Variants in JARID2 observed in about 807,000 individuals in gnomAD.
The protein encoded by JARID2 is protein Jumonji.
A neutral mutation model predicts 125.6 loss-of-function variants in JARID2; 21 were observed. The observed-to-expected ratio is 0.17, with a 90% CI of 0.12 to 0.24. The LOEUF is 0.24. JARID2 is among the 10% of genes least tolerant of loss of function. The pLI is 1.00. For missense variants in JARID2, 1,303 were observed against 1,639.6 expected (o/e 0.79, Z 3.55); for synonymous variants, 736 against 661.6 (o/e 1.11, Z -1.73).
At chr6:15,426,742 C>T (rs911420246) in intron 3 of JARID2, among the ~76,000 whole-genome samples, 2 of 152,162 alleles carry the variant, frequency 1.3e-5, no homozygotes, top group South Asian at 2.1e-4. Context: ...GTTTTTCCAA[C>T]CCCCAGAGGA....
Position 15,501,196 on chromosome 6 carries a change from C to A in JARID2, c.2235C>A (p.His745Gln), listed in dbSNP as rs147344199. 2 of 1,614,116 alleles carry A rather than the reference C, an allele frequency of 1.2e-6. No homozygotes were observed. The highest frequency in any genetic ancestry group is 1.7e-5 in the Admixed American group (1 of 60,024). The change falls in exon 8 of 18, where the codon CAC becomes CAA. Residue 745 changes from histidine (H) to glutamine (Q), a missense_variant. His to Gln is a conservative substitution (Grantham distance 24). Transcript: ENST00000341776. ...TGGAAGGCCACACAGAGAACGACCACCACAAGTTCCACCCTCTGCCCCGCT... is the reference window on the plus strand; with the variant it reads ...TGGAAGGCCACACAGAGAACGACCAACACAAGTTCCACCCTCTGCCCCGCT... ...GPLEGHTEND[H>Q]HKFHPLPRFE...
intron 1 of JARID2, among the ~76,000 whole-genome samples, chr6:15,323,386 C>T (rs1038549300): frequency 2.6e-5 from 4 of 152,118 alleles, no homozygotes; most frequent in Non-Finnish European, 5.9e-5. Context: ...GGAAATCCTG[C>T]CCTCTTGGCC....
chr6:15,373,251 T>C (rs1481094153), intron 1 of JARID2, among the ~76,000 whole-genome samples: 1 of 152,232 alleles, frequency 6.6e-6, no homozygotes, highest in Non-Finnish European at 1.5e-5. Context: ...TCCCACCTCT[T>C]GCTCTGTCTC....
At chr6:15,306,328 C>CTTTT (rs398000594) in intron 1 of JARID2, among the ~76,000 whole-genome samples, 160 of 99,236 alleles carry the variant, frequency 1.6e-3, no homozygotes, top group East Asian at 4.8e-3. Context: ...AGTCATATTT[C>CTTTT]TTTTTTTTTT....
At chr6:15,479,841 TGGCCCAG>T (rs974158924) in intron 5 of JARID2, among the ~76,000 whole-genome samples, 4 of 152,320 alleles carry the variant, frequency 2.6e-5, no homozygotes, top group African/African-American at 7.2e-5. Flanking sequence ...GGAGCTGTTT[TGGCCCAG>T]GGCAAACCGG....
At chr6:15,422,987 T>TC (rs1344692925) in intron 3 of JARID2, among the ~76,000 whole-genome samples, 2 of 114,874 alleles carry the variant, frequency 1.7e-5, no homozygotes, top group African/African-American at 3.9e-5. Flanking sequence ...AGCCTAGTCT[T>TC]TTTTTTTTTT....
intron 7 of JARID2, among the ~76,000 whole-genome samples, chr6:15,500,367 G>T (rs1770673843): frequency 2.0e-5 from 3 of 152,336 alleles, no homozygotes; most frequent in South Asian, 4.1e-4. Context: ...GTGTGAGTGA[G>T]TGGGTGGATG....
chr6:15,302,138 G>A (rs1470897326), intron 1 of JARID2, among the ~76,000 whole-genome samples: 7 of 152,128 alleles, frequency 4.6e-5, no homozygotes, highest in Non-Finnish European at 1.0e-4. Flanking sequence ...TGAAGAGGCC[G>A]GGTGCAGTGG....
intron 1 of JARID2, among the ~76,000 whole-genome samples, chr6:15,365,823 A>T (rs916578712): frequency 2.6e-5 from 4 of 152,164 alleles, no homozygotes; most frequent in African/African-American, 9.7e-5. Context: ...CAAGTTCAGT[A>T]AGTAAGTTTC....
At chr6:15,489,204 T>C (rs1421301659) in intron 6 of JARID2, among the ~76,000 whole-genome samples, 1 of 152,238 alleles carries the variant, frequency 6.6e-6, no homozygotes, top group Non-Finnish European at 1.5e-5. Flanking sequence ...TTTGTTTATC[T>C]TCTATTCATC....
intron 3 of JARID2, among the ~76,000 whole-genome samples, chr6:15,415,702 C>G (rs1252617676): frequency 6.8e-6 from 1 of 146,470 alleles, no homozygotes; most frequent in African/African-American, 2.5e-5. Context: ...GGCTGACCCC[C>G]CCACCTCCTT....
chr6:15,431,684 C>T (rs1398617248), intron 3 of JARID2, among the ~76,000 whole-genome samples: 1 of 152,092 alleles, frequency 6.6e-6, no homozygotes, highest in Non-Finnish European at 1.5e-5. Flanking sequence ...TATCTTTTTC[C>T]CTTTCAATGA....
intron 2 of JARID2, among the ~76,000 whole-genome samples, chr6:15,403,867 C>T (rs970899055): frequency 6.6e-6 from 1 of 152,136 alleles, no homozygotes; most frequent in African/African-American, 2.4e-5. Flanking sequence ...TCATCCTCCC[C>T]ATTCCTGCCT....
chr6:15,281,972 CAG>C (rs1410373595), intron 1 of JARID2, among the ~76,000 whole-genome samples: 18 of 143,646 alleles, frequency 1.3e-4, no homozygotes, highest in Non-Finnish European at 2.7e-4. Context: ...GTGTTTGAGA[CAG>C]AGTCTTGCTC....
chr6:15,281,633 G>A (rs554389733), intron 1 of JARID2, among the ~76,000 whole-genome samples: 73 of 152,286 alleles, frequency 4.8e-4, no homozygotes, highest in African/African-American at 1.5e-3. Flanking sequence ...TAAGGTTATG[G>A]CCTGTGATTT....
intron 1 of JARID2, among the ~76,000 whole-genome samples, chr6:15,262,390 A>G (rs1759917402): frequency 6.6e-6 from 1 of 151,918 alleles, no homozygotes. Flanking sequence ...TTTTAAAATT[A>G]TGTTTCTAAA....
At chr6:15,247,016 G>C (rs1326035028) in intron 1 of JARID2, among the ~76,000 whole-genome samples, 1 of 152,184 alleles carries the variant, frequency 6.6e-6, no homozygotes, top group Non-Finnish European at 1.5e-5. Flanking sequence ...AGCCCTTTAA[G>C]TTGCGATCGA....
At chr6:15,360,102 TTTCTC>T (rs373192203) in intron 1 of JARID2, among the ~76,000 whole-genome samples, 22 of 152,320 alleles carry the variant, frequency 1.4e-4, no homozygotes, top group African/African-American at 5.3e-4. Context: ...TCTTGAGTAA[TTTCTC>T]TTTCTATCCA....
At chr6:15,357,634 C>T (rs747849205) in intron 1 of JARID2, among the ~76,000 whole-genome samples, 48 of 151,770 alleles carry the variant, frequency 3.2e-4, no homozygotes, top group Non-Finnish European at 4.7e-4. Context: ...GACCCTTGGT[C>T]GAGAAATTCT....
Sources: allele counts gnomAD v4.1 joint callset (sites outside exome capture counted in the v4.1 genomes callset), GRCh38; gene constraint gnomAD v4.1.1; transcripts MANE v1.5; gene names NCBI Gene and HGNC (gene_info 2026-07-23, HGNC 2026-07-21).